ZNF335: variants seen among roughly 807,000 people sequenced by gnomAD.
ZNF335 encodes NRC-interacting factor 1.
Under a neutral mutation model 145.6 loss-of-function variants are expected in ZNF335, and 84 were observed. The ratio of observed to expected loss-of-function variants is 0.58; its 90% CI spans 0.48 to 0.69. The LOEUF (loss-of-function observed/expected upper bound fraction) is 0.69, where lower values mean the gene tolerates loss of function less well. Among genes scored for constraint, ZNF335 ranks in the 30% least tolerant of loss-of-function variants. The pLI, the probability that ZNF335 is intolerant of heterozygous loss-of-function variation, is 0.00. For missense variants in ZNF335, 1,865 were observed against 1,809.7 expected (o/e 1.03, Z -0.55); for synonymous variants, 761 against 717.0 (o/e 1.06, Z -0.98).
intron 6 of ZNF335, among the ~76,000 whole-genome samples, chr20:45,966,577 G>A (rs561983688): frequency 1.6e-4 from 24 of 148,500 alleles, no homozygotes; most frequent in East Asian, 1.4e-3. Context: ...CTGAGACAGA[G>A]TCTTGCTCTG....
In ZNF335 at chr20:45,950,380, G is replaced by A. The variant is rs749112265; in HGVS notation, c.3333-7C>T. On this transcript the variant is annotated splice_region_variant and splice_polypyrimidine_tract_variant and intron_variant, in intron 21 of 27. Coordinates refer to ENST00000322927, the MANE Select transcript of ZNF335 (RefSeq NM_022095.4). ...GTGCCCGTTACGGTTGAAACTGAGG[G>A]GGATGAAAGGTGGCTCAGGTTAGCT... 41 of 1,604,408 alleles carry A rather than the reference G, an allele frequency of 2.6e-5. No individual in the cohort carries two copies. The highest frequency in any genetic ancestry group is 3.4e-5 in the Non-Finnish European group (40 of 1,173,126).
Position 45,949,327 on chromosome 20 carries a change from C to T in ZNF335, c.3819+6G>A, listed in dbSNP as rs778980849. ...CCCAGGTCTCCCTGTCCCCCCACGG[C>T]CCTACCTGGGACTCCTGAAGGAACG... On this transcript the variant is annotated splice_donor_region_variant and intron_variant, in intron 26 of 27. Coordinates refer to ENST00000322927, the MANE Select transcript of ZNF335 (RefSeq NM_022095.4). 7 of 1,614,014 alleles carry T rather than the reference C, an allele frequency of 4.3e-6. No homozygotes were observed. The Admixed American group carries it at 8.3e-5, about 19-fold the overall frequency.
At position 45,972,173 on chromosome 20, in the gene ZNF335, C is replaced by G; in HGVS notation, c.-102G>C. ...TCTGACTCCGGCATCGACGAGGTCG[C>G]CATCCTCTTTCCTCCGCTGCGGAGG... On this transcript the variant is annotated 5_prime_UTR_variant, in exon 1 of 28. Coordinates refer to ENST00000322927, the MANE Select transcript of ZNF335 (RefSeq NM_022095.4). 1 of 1,289,456 alleles carries G rather than the reference C, an allele frequency of 7.8e-7. No homozygotes were observed. Among genetic ancestry groups the G allele is most frequent in the South Asian group, 1.2e-5 (1 of 80,894 alleles). The allele number at this position is 1,289,456 out of a possible 1,614,324, so 79.9% of individuals were successfully genotyped here. A position where few individuals can be genotyped will look rare whatever the true frequency, so the allele number is the denominator to read the frequency against.
rs2083644973 is a variant in ZNF335 at position 45,952,152 on chromosome 20, C to T, written c.3184G>A (p.Val1062Ile). 1.3e-6 allele frequency: 2 copies of T among 1,598,386 alleles called. No individual in the cohort carries two copies. The highest frequency in any genetic ancestry group is 1.7e-5 in the Admixed American group (1 of 58,824). The change falls in exon 20 of 28, where the codon GTC becomes ATC. Residue 1062 changes from valine to isoleucine, a missense_variant. Physicochemically the swap from Val to Ile is conservative, Grantham distance 29. Coordinates refer to ENST00000322927, the MANE Select transcript of ZNF335 (RefSeq NM_022095.4). ...CAGGAGCAACCAGCACCTACCCGGA[C>T]CTCGGGCCACTGGCGGGCACTGAAG... ...CPFSARQWPE[V>I]RAHMAQHSSL...
In ZNF335 at chr20:45,950,496, G is replaced by C; in HGVS notation, c.3289C>G (p.His1097Asp). 1 of 1,614,238 alleles carries C rather than the reference G, an allele frequency of 6.2e-7. No homozygotes were observed. Among genetic ancestry groups the C allele is most frequent in the Non-Finnish European group, 8.5e-7 (1 of 1,180,052 alleles). ...KKDLRRHMLTHTKEKPFACHL... is the reference protein window; with the variant it reads ...KKDLRRHMLTDTKEKPFACHL... ...CATGCAAAAGGCTTCTCCTTTGTGT[G>C]AGTCAGCATGTGCCGACGCAGGTCC... The change falls in exon 21 of 28, where the codon CAC (histidine) becomes GAC (aspartate). Residue 1097 changes from histidine to aspartate, a missense_variant. Physicochemically the swap from His to Asp is moderately conservative, Grantham distance 81. Transcript: ENST00000322927.
chr20:45,960,395 T>C, intron 13 of ZNF335, 27 bp from the exon 14 acceptor site: 2 of 1,614,046 alleles, frequency 1.2e-6, no homozygotes, highest in Non-Finnish European at 1.7e-6. Context: ...GGAGGGAAGC[T>C]CAGTAATGAG....
intron 7 of ZNF335, among the ~76,000 whole-genome samples, chr20:45,965,358 G>A (rs1002601989): frequency 6.6e-5 from 10 of 152,070 alleles, no homozygotes; most frequent in African/African-American, 7.2e-5. Context: ...CTTATCTTAC[G>A]CATTCAGTGA....
At chr20:45,965,838 C>T (rs1313730491) in intron 6 of ZNF335, 64 bp from the exon 7 acceptor site, 1 of 1,526,656 alleles carries the variant, frequency 6.6e-7, no homozygotes, top group Non-Finnish European at 8.8e-7. Flanking sequence ...GCCCTGACCC[C>T]TTGCCCAGCT....
intron 17 of ZNF335, 39 bp downstream of exon 17, chr20:45,957,538 GGGTACCTGC>G: frequency 2.6e-6 from 4 of 1,568,624 alleles, no homozygotes; most frequent in Non-Finnish European, 3.5e-6. Context: ...GTGCAGGGCT[GGGTACCTGC>G]GGTAGCTGGG....
At chr20:45,955,986 A>G (rs3848717) in intron 17 of ZNF335, among the ~76,000 whole-genome samples, 139,934 of 152,222 alleles carry the variant, frequency 0.92, 64,723 homozygotes, top group Non-Finnish European at 0.95. Flanking sequence ...TTAGGAGAAT[A>G]AGGGTAACTG....
Position 45,959,325 on chromosome 20 carries a change from C to T in ZNF335, c.2129G>A (p.Arg710Lys). The T allele has an allele frequency of 6.3e-7, 1 of 1,583,680 alleles. No individual in the cohort carries two copies. Among genetic ancestry groups the T allele is most frequent in the Non-Finnish European group, 8.6e-7 (1 of 1,162,440 alleles). ...GGAGGGGGGCTCCTCAGGGTGGCGC[C>T]TCCCCCATTCCTCGAAGCTGCTTGC... is the stretch of plus-strand genomic sequence containing the variant. ...RHASSFEEWG[R>K]RHPEEPPSRR... The change falls in exon 15 of 28, where the codon AGG (arginine) becomes AAG (lysine). Residue 710 changes from arginine to lysine, a missense_variant. Arg to Lys is a conservative substitution (Grantham distance 26, BLOSUM62 2). Transcript: ENST00000322927.
At chr20:45,954,098 T>C in intron 17 of ZNF335, 150 bp from the exon 18 acceptor site, 1 of 1,017,404 alleles carries the variant, frequency 9.8e-7, no homozygotes, top group Non-Finnish European at 1.4e-6. Flanking sequence ...CCAAGTTCTT[T>C]CTAAAATATA....
rs1420940452 is a variant in ZNF335 at position 45,949,824 on chromosome 20, C to A, written c.3645G>T (p.Gln1215His). The A allele has an allele frequency of 6.2e-7, 1 of 1,613,970 alleles. No homozygotes were observed. The highest frequency in any genetic ancestry group is 1.7e-5 in the Admixed American group (1 of 60,008). The part of the protein sequence containing the change: ...EITTADGQTV[Q>H]HLVTSDNQVQ... ...CCTGGTTGTCGGAGGTCACCAGGTG[C>A]TGTACGGTCTGGCCATCTGCCGTGG... The change falls in exon 24 of 28, where the codon CAG (glutamine) becomes CAT (histidine). Residue 1215 changes from glutamine to histidine, a missense_variant. By Grantham distance (24) the Gln-to-His change is conservative. Coordinates refer to ENST00000322927, the MANE Select transcript of ZNF335 (RefSeq NM_022095.4).
chr20:45,960,254 G>A lies in ZNF335; in HGVS notation c.1974C>T (p.Thr658=), dbSNP rs747872066. ...PFKCSFCPYR[T]FREDFLLSHV... The stretch of plus-strand genomic sequence containing the variant: ...GGGACAGCAAGAAGTCCTCTCGGAA[G>A]GTGCGGTAGGGACAAAAGCTGCATT... The change falls in exon 14 of 28, where the codon ACC becomes ACT. Residue 658 remains threonine, a synonymous_variant. Coordinates refer to ENST00000322927, the MANE Select transcript of ZNF335 (RefSeq NM_022095.4). The A allele has an allele frequency of 9.9e-6, 16 of 1,614,080 alleles. No homozygotes were observed. In the South Asian group the frequency reaches 1.1e-4, roughly 11 times the overall value.
At chr20:45,958,075 G>C in intron 15 of ZNF335, 147 bp from the exon 16 acceptor site, 1 of 641,214 alleles carries the variant, frequency 1.6e-6, no homozygotes, top group Non-Finnish European at 2.7e-6. Context: ...TTTTGAGATG[G>C]AGTCTCTCTG....
intron 14 of ZNF335, among the ~76,000 whole-genome samples, chr20:45,959,973 C>T (rs572902100): frequency 2.6e-5 from 4 of 152,294 alleles, no homozygotes; most frequent in African/African-American, 7.2e-5. Context: ...ATGGAAGGCT[C>T]GGAGAGGGCA....
chr20:45,965,533 G>A (rs553976245), intron 7 of ZNF335, 95 bp downstream of exon 7: 1 of 1,449,796 alleles, frequency 6.9e-7, no homozygotes, highest in South Asian at 1.3e-5. Context: ...CTGCCCTGCA[G>A]GGCACACTCA....
intron 17 of ZNF335, among the ~76,000 whole-genome samples, chr20:45,954,537 T>C (rs373058795): frequency 1.2e-4 from 19 of 152,200 alleles, no homozygotes; most frequent in East Asian, 3.9e-4. Flanking sequence ...AGATAAAACC[T>C]AGAGCAAAAT....
rs1350239599 is a variant in ZNF335, at chr20:45,965,742, G to T, written c.988C>A (p.Pro330Thr). 1 of 1,605,952 alleles carries T rather than the reference G, an allele frequency of 6.2e-7. No homozygotes were observed. Among genetic ancestry groups the T allele is most frequent in the Non-Finnish European group, 8.5e-7 (1 of 1,176,366 alleles). ...DSDYNPAEDE[P>T]RGRQLRLQRP... ...TGGAGCCGAAGCTGCCGGCCTCGGG[G>T]CTCATCCTCAGCTGGATTATAGTCG... Residue 330 changes from proline (P) to threonine (T), a missense_variant, in exon 7 of 28, where the codon CCC becomes ACC. Physicochemically the swap from Pro to Thr is conservative, Grantham distance 38 (BLOSUM62 -1). Transcript: ENST00000322927.
Sources: allele counts gnomAD v4.1 joint callset (sites outside exome capture counted in the v4.1 genomes callset), GRCh38; gene constraint gnomAD v4.1.1; transcripts MANE v1.5; gene names NCBI Gene and HGNC (gene_info 2026-07-23, HGNC 2026-07-21).